Variants in KCNK17 observed in about 807,000 individuals in gnomAD.
KCNK17 encodes potassium two pore domain channel subfamily K member 17.
KCNK17 carries 27 observed loss-of-function variants against 24.6 expected under a neutral mutation model. The ratio of observed to expected loss-of-function variants is 1.10; its 90% confidence interval spans 0.81 to 1.51. The LOEUF (loss-of-function observed/expected upper bound fraction) is 1.51. Among genes scored for constraint, KCNK17 ranks in the 40% most tolerant of loss-of-function variants. The probability of loss-of-function intolerance (pLI) is 0.00; values close to 1 mark genes in which losing one functional copy is unlikely to be tolerated. For synonymous variants in KCNK17, 181 were observed against 189.8 expected, an observed-to-expected ratio of 0.95 and a Z score of 0.38; for missense variants, 450 against 436.6, an observed-to-expected ratio of 1.03 and a Z score of -0.27.
At chr6:39,310,326 T>A (rs564396923) in intron 2 of KCNK17, among the ~76,000 whole-genome samples, 1 of 152,078 alleles carries the variant, frequency 6.6e-6, no homozygotes, top group East Asian at 1.9e-4. Context: ...GTGGGGAGGA[T>A]GGCGATGAGG....
Position 39,314,172 on chromosome 6 carries a change from T to C in KCNK17, c.149A>G (p.Asp50Gly). 6.4e-7 allele frequency: 1 copy of C among 1,563,388 alleles called. No homozygotes were observed. The highest frequency in any genetic ancestry group is 8.6e-7 in the Non-Finnish European group (1 of 1,158,366). The change falls in exon 1 of 5, where the codon GAC becomes GGC. Residue 50 changes from aspartate (D) to glycine (G), a missense_variant. Coordinates refer to ENST00000373231, the MANE Select transcript of KCNK17 (RefSeq NM_031460.4). ...FWTLEGRAAQ[D>G]SSRSFQRDKW... Reference sequence around the variant, plus strand: ...GTCGCGCTGGAAGCTGCGGCTGGAGTCCTGCGCCGCGCGGCCCTCCAGCGT... The same window carrying C: ...GTCGCGCTGGAAGCTGCGGCTGGAGCCCTGCGCCGCGCGGCCCTCCAGCGT...
At chr6:39,308,022 A>G (rs953790955) in intron 2 of KCNK17, among the ~76,000 whole-genome samples, 2 of 152,140 alleles carry the variant, frequency 1.3e-5, no homozygotes, top group Non-Finnish European at 2.9e-5. Flanking sequence ...ATCAGCTTCA[A>G]TGTTACTGAA....
At chr6:39,310,860 AC>A (rs1762120594) in intron 2 of KCNK17, 32 bp downstream of exon 2, 2 of 681,822 alleles carry the variant, frequency 2.9e-6, no homozygotes, top group Admixed American at 2.5e-5. Flanking sequence ...TCCTTCCCCC[AC>A]CCCCATCCCC....
At position 39,304,258 on chromosome 6, in the gene KCNK17, C is replaced by T. The variant is rs113461420; in HGVS notation, c.514-127G>A. The T allele has an allele frequency of 5.1e-6, 5 of 971,238 alleles. 1 individual carries two copies. 60.2% of individuals were successfully genotyped at this position (971,238 alleles called of 1,614,324 possible). A position where few individuals can be genotyped will look rare whatever the true frequency, so the allele number is the denominator to read the frequency against. Reference sequence around the variant, plus strand: ...GGCTCTTCACCTGGTCTGTGTTCTCCAGGTTCCCTGCCTGGAGCCTGTGCC... The same window carrying T: ...GGCTCTTCACCTGGTCTGTGTTCTCTAGGTTCCCTGCCTGGAGCCTGTGCC... On this transcript the variant is annotated intron_variant, in intron 3 of 4. Coordinates refer to ENST00000373231, the MANE Select transcript of KCNK17 (RefSeq NM_031460.4).
intron 1 of KCNK17, among the ~76,000 whole-genome samples, chr6:39,312,140 T>A (rs1030073498): frequency 3.9e-5 from 6 of 152,086 alleles, no homozygotes; most frequent in African/African-American, 1.2e-4. Context: ...CTATTTAGTA[T>A]GGGCAGTAAA....
chr6:39,310,612 C>T (rs915477565), intron 2 of KCNK17, among the ~76,000 whole-genome samples: 4 of 152,102 alleles, frequency 2.6e-5, no homozygotes, highest in African/African-American at 9.7e-5. Context: ...CCTCTGCTTC[C>T]TGAAAGGCCA....
rs560270863 is a variant in KCNK17, at chr6:39,310,097, G to A, written c.352+796C>T. Among the ~76,000 whole-genome samples the A allele has an allele frequency of 1.2e-3, 188 of 152,326 alleles. 1 individual carries two copies. The highest frequency in any genetic ancestry group is 4.2e-3 in the African/African-American group (176 of 41,568). ...CAGGAACTGGGAGGCGGTAGCCCAA[G>A]TCACCAGTGATACCAGCCTGCCACC... On this transcript the variant is annotated intron_variant, in intron 2 of 4. Transcript: ENST00000373231.
At chr6:39,304,945 A>G (rs562703338) in intron 2 of KCNK17, among the ~76,000 whole-genome samples, 1 of 152,296 alleles carries the variant, frequency 6.6e-6, no homozygotes, top group African/African-American at 2.4e-5. Flanking sequence ...ATGAGCTCAA[A>G]CCCACCAAAT....
intron 2 of KCNK17, among the ~76,000 whole-genome samples, chr6:39,305,522 T>C (rs1762020531): frequency 1.3e-5 from 2 of 151,998 alleles, no homozygotes; most frequent in Non-Finnish European, 2.9e-5. Flanking sequence ...ATCCTCAAGA[T>C]AGGGAGAGGG....
At position 39,304,027 on chromosome 6, in the gene KCNK17, C is replaced by G; in HGVS notation, c.618G>C (p.Trp206Cys). 6.2e-6 allele frequency: 10 copies of G among 1,613,938 alleles called. No homozygotes were observed. The highest frequency in any genetic ancestry group is 8.5e-6 in the Non-Finnish European group (10 of 1,180,012). The change falls in exon 4 of 5, where the codon TGG becomes TGC. Residue 206 changes from tryptophan (W) to cysteine (C), a missense_variant. By Grantham distance (215) the Trp-to-Cys change is radical (BLOSUM62 -2). Coordinates refer to ENST00000373231, the MANE Select transcript of KCNK17 (RefSeq NM_031460.4). ...CGAAGTAGAAGCCCTCTGTGTAGCT[C>G]CAGCCCTCCATGTGGGAGAAGAGCA... ...PPLLFSHMEG[W>C]SYTEGFYFAF... is the part of the protein sequence containing the mutation.
intron 4 of KCNK17, chr6:39,300,503 T>G (rs542964293): frequency 6.4e-7 from 1 of 1,551,344 alleles, no homozygotes; most frequent in South Asian, 1.2e-5. Flanking sequence ...GGTTTTCTCG[T>G]ATCTGAAATG....
intron 1 of KCNK17, among the ~76,000 whole-genome samples, chr6:39,312,323 C>T (rs746747570): frequency 6.6e-6 from 1 of 151,930 alleles, no homozygotes; most frequent in Non-Finnish European, 1.5e-5. Flanking sequence ...CTGGATACCA[C>T]ATCCTTATTC....
rs376249168 is a variant in KCNK17 at position 39,299,540 on chromosome 6, G to T, written c.886C>A (p.Arg296=). 1 of 1,614,092 alleles carries T rather than the reference G, an allele frequency of 6.2e-7. No individual in the cohort carries two copies. The highest frequency in any genetic ancestry group is 2.2e-5 in the East Asian group (1 of 44,880). Residue 296 remains arginine, a synonymous_variant, in exon 5 of 5, where the codon CGG becomes AGG. Coordinates refer to ENST00000373231, the MANE Select transcript of KCNK17 (RefSeq NM_031460.4). ...TGTGGGGAGTGGGACTCTGGCTCCC[G>T]GTCAGGTCCCTGTCTCCAGCTTTGG... ...KSQSWRQGPD[R]EPESHSPQQG... is the part of the protein sequence containing the mutation.
intron 1 of KCNK17, 41 bp from the exon 2 acceptor site, chr6:39,311,048 G>A: frequency 6.4e-6 from 8 of 1,252,718 alleles, no homozygotes; most frequent in South Asian, 1.3e-5. Context: ...TCTGTGGGGT[G>A]ATGGATTTCC....
chr6:39,308,037 C>T (rs1447985282), intron 2 of KCNK17, among the ~76,000 whole-genome samples: 2 of 152,178 alleles, frequency 1.3e-5, no homozygotes, highest in Non-Finnish European at 2.9e-5. Context: ...ACTGAATGGA[C>T]ACCCCACCTA....
intron 2 of KCNK17, among the ~76,000 whole-genome samples, chr6:39,307,909 T>C (rs1481800148): frequency 6.6e-6 from 1 of 152,208 alleles, no homozygotes; most frequent in Non-Finnish European, 1.5e-5. Flanking sequence ...ACAAGTCACA[T>C]TCCCATCTCA....
In KCNK17 at chr6:39,299,665, G is replaced by A; in HGVS notation, c.761C>T (p.Ala254Val). The A allele has an allele frequency of 6.2e-7, 1 of 1,614,138 alleles. No individual in the cohort carries two copies. The highest frequency in any genetic ancestry group is 8.5e-7 in the Non-Finnish European group (1 of 1,180,010). ...MVSLWILFGM[A>V]WLALIIKLIL... ...GAGTTTGATGATCAAGGCCAGCCATGCCATCCCAAAGAGGATCCACAGGGA... is the reference window on the plus strand; with the variant it reads ...GAGTTTGATGATCAAGGCCAGCCATACCATCCCAAAGAGGATCCACAGGGA... Residue 254 changes from alanine to valine, a missense_variant, in exon 5 of 5, where the codon GCA becomes GTA. By Grantham distance (64) the Ala-to-Val change is moderately conservative. Coordinates refer to ENST00000373231, the MANE Select transcript of KCNK17 (RefSeq NM_031460.4).
chr6:39,308,173 T>C (rs965078886), intron 2 of KCNK17, among the ~76,000 whole-genome samples: 5 of 152,188 alleles, frequency 3.3e-5, no homozygotes, highest in Non-Finnish European at 7.3e-5. Context: ...GAATGTCAGC[T>C]CCCCAAGGGC....
In KCNK17 at chr6:39,299,454, G is replaced by A. The variant is rs754094668; in HGVS notation, c.972C>T (p.His324=). Residue 324 remains histidine, a synonymous_variant, in exon 5 of 5, where the codon CAC becomes CAT. Coordinates refer to ENST00000373231, the MANE Select transcript of KCNK17 (RefSeq NM_031460.4). Reference sequence around the variant, plus strand: ...AGCTGTCCTTGCCACAGCCTGCAGCGTGAGCAGAAGGTTCCAGATGCTGTA... The same window carrying A: ...AGCTGTCCTTGCCACAGCCTGCAGCATGAGCAGAAGGTTCCAGATGCTGTA... ...GIIQHLEPSA[H]AAGCGKDS 44 of 1,613,600 alleles carry A rather than the reference G, an allele frequency of 2.7e-5. No homozygotes were observed. The highest frequency in any genetic ancestry group is 6.7e-5 in the East Asian group (3 of 44,892).
Sources: gnomAD v4.1 joint callset for allele counts (sites outside exome capture counted in the v4.1 genomes callset) on GRCh38, gnomAD v4.1.1 for gene constraint, MANE v1.5 for transcripts, NCBI Gene and HGNC (gene_info 2026-07-23, HGNC 2026-07-21) for gene names.